Variants in VPS8 observed in about 807,000 individuals in gnomAD.
VPS8 encodes the protein VPS8 subunit of CORVET complex.
VPS8 carries 129 observed loss-of-function variants against 216.4 expected under a neutral mutation model. The observed-to-expected ratio is 0.60, with a 90% CI of 0.52 to 0.69. The LOEUF (loss-of-function observed/expected upper bound fraction) is 0.69, where lower values mean the gene tolerates loss of function less well. Ranked by LOEUF, VPS8 falls within the 30% of genes least tolerant of loss-of-function variation. The pLI, the probability that VPS8 is intolerant of heterozygous loss-of-function variation, is 0.00. For missense variants in VPS8, 1,531 were observed against 1,683.5 expected (o/e 0.91, Z 1.59); for synonymous variants, 571 against 565.4 (o/e 1.01, Z -0.14).
At chr3:184,871,312 A>C (rs566432632) in intron 21 of VPS8, among the ~76,000 whole-genome samples, 1 of 151,948 alleles carries the variant, frequency 6.6e-6, no homozygotes, top group East Asian at 1.9e-4. Flanking sequence ...GTAGACGTGT[A>C]TGTATTTATT....
intron 44 of VPS8, among the ~76,000 whole-genome samples, chr3:184,997,726 G>C (rs142177718): frequency 6.6e-6 from 1 of 152,130 alleles, no homozygotes; most frequent in Non-Finnish European, 1.5e-5. Context: ...AGTGTTTGGT[G>C]GGGGGTGCAG....
chr3:184,983,402 G>A (rs971886129), intron 42 of VPS8, among the ~76,000 whole-genome samples: 6 of 152,146 alleles, frequency 3.9e-5, no homozygotes, highest in Non-Finnish European at 7.3e-5. Context: ...CTGGGAGGGA[G>A]TTATCAGCTG....
At position 184,834,710 on chromosome 3, in the gene VPS8, A is replaced by C; in HGVS notation, c.415A>C (p.Lys139Gln). The C allele has an allele frequency of 1.3e-6, 2 of 1,564,536 alleles. No homozygotes were observed. The highest frequency in any genetic ancestry group is 1.7e-6 in the Non-Finnish European group (2 of 1,153,124). Residue 139 changes from lysine (K) to glutamine (Q), a missense_variant, in exon 5 of 48, where the codon AAG (lysine) becomes CAG (glutamine). Physicochemically the swap from Lys to Gln is moderately conservative, Grantham distance 53. This residue lies in a region of VPS8 where 199 missense variants were observed against 182.2 expected (regional missense o/e 1.09). Coordinates refer to ENST00000625842, the MANE Select transcript of VPS8 (RefSeq NM_001009921.3). ...HGSVMRHSLL[K>Q]GISAQIVSAA... Reference sequence around the variant, plus strand: ...ATCAGTTATGCGCCATTCACTTTTGAAGGGAATTTCTGCCCAGATAGTGTC... The same window carrying C: ...ATCAGTTATGCGCCATTCACTTTTGCAGGGAATTTCTGCCCAGATAGTGTC...
chr3:184,874,558 A>G (rs1404868888), intron 21 of VPS8, among the ~76,000 whole-genome samples: 1 of 152,240 alleles, frequency 6.6e-6, no homozygotes, highest in Non-Finnish European at 1.5e-5. Context: ...ACTTAGATTC[A>G]TTAGATTGAA....
At chr3:184,818,771 GA>G (rs756425231) in intron 1 of VPS8, among the ~76,000 whole-genome samples, 14 of 152,244 alleles carry the variant, frequency 9.2e-5, no homozygotes, top group African/African-American at 3.4e-4. Context: ...ATTGTAATGT[GA>G]AAAAGTATCT....
intron 46 of VPS8, among the ~76,000 whole-genome samples, chr3:185,026,989 G>A (rs1266174476): frequency 3.3e-5 from 5 of 151,872 alleles, no homozygotes; most frequent in South Asian, 2.1e-4. Flanking sequence ...GATTACAGGC[G>A]TGAGCCACCA....
intron 46 of VPS8, among the ~76,000 whole-genome samples, chr3:185,033,659 A>G (rs764849830): frequency 3.9e-5 from 6 of 152,256 alleles, no homozygotes; most frequent in Non-Finnish European, 7.3e-5. Flanking sequence ...TTGCTGGATT[A>G]TATGGTAAGA....
At chr3:184,912,523 T>C (rs986840379) in intron 25 of VPS8, among the ~76,000 whole-genome samples, 3 of 152,176 alleles carry the variant, frequency 2.0e-5, no homozygotes, top group African/African-American at 4.8e-5. Flanking sequence ...AGCTTAACTT[T>C]TCCTTTTGGC....
intron 8 of VPS8, among the ~76,000 whole-genome samples, chr3:184,844,462 G>A (rs533550146): frequency 2.6e-5 from 4 of 151,832 alleles, no homozygotes; most frequent in East Asian, 1.9e-4. Context: ...GAAAAGAATA[G>A]TATTAAAGAA....
At chr3:185,028,996 A>G (rs767634345) in intron 46 of VPS8, among the ~76,000 whole-genome samples, 2 of 152,216 alleles carry the variant, frequency 1.3e-5, no homozygotes, top group Non-Finnish European at 2.9e-5. Context: ...TAGAGGAAAA[A>G]TAAATGAAAC....
intron 25 of VPS8, among the ~76,000 whole-genome samples, chr3:184,913,021 TAC>T (rs1003086513): frequency 1.3e-5 from 2 of 152,236 alleles, no homozygotes; most frequent in Non-Finnish European, 2.9e-5. Context: ...GGCAGAATCT[TAC>T]ATTTTTTATG....
intron 42 of VPS8, among the ~76,000 whole-genome samples, chr3:184,989,078 C>T (rs1385928247): frequency 1.3e-5 from 2 of 152,142 alleles, no homozygotes; most frequent in Non-Finnish European, 2.9e-5. Flanking sequence ...TTTATTTCTT[C>T]CTTCCCAATC....
chr3:184,839,574 C>T, intron 6 of VPS8, 124 bp from the exon 7 acceptor site: 1 of 886,084 alleles, frequency 1.1e-6, no homozygotes, highest in Non-Finnish European at 1.7e-6. Flanking sequence ...TGAAATTCTT[C>T]TTATTTACAA....
At chr3:184,892,564 A>G (rs1044361851) in intron 22 of VPS8, among the ~76,000 whole-genome samples, 9 of 152,180 alleles carry the variant, frequency 5.9e-5, no homozygotes, top group Non-Finnish European at 8.8e-5. Flanking sequence ...ATGCACTAAT[A>G]AGTATTCTCC....
chr3:185,032,894 C>T (rs958004727), intron 46 of VPS8, among the ~76,000 whole-genome samples: 3 of 152,154 alleles, frequency 2.0e-5, no homozygotes, highest in African/African-American at 7.2e-5. Flanking sequence ...ATCTCAATCT[C>T]CTGACCTCGT....
intron 43 of VPS8, among the ~76,000 whole-genome samples, chr3:184,995,608 G>A (rs74482178): frequency 0.04 from 6,100 of 152,172 alleles, 215 homozygotes; most frequent in East Asian, 0.1. Context: ...CTTCCCCTTC[G>A]GGACTGAGAG....
intron 46 of VPS8, 21 bp from the exon 47 acceptor site, chr3:185,048,458 G>T: frequency 6.2e-7 from 1 of 1,613,292 alleles, no homozygotes; most frequent in Non-Finnish European, 8.5e-7. Context: ...GTTGTTAATC[G>T]TATCGGTTTT....
At chr3:184,930,291 T>A (rs1740451273) in intron 33 of VPS8, among the ~76,000 whole-genome samples, 179 bp from the exon 34 acceptor site, 1 of 152,072 alleles carries the variant, frequency 6.6e-6, no homozygotes, top group South Asian at 2.1e-4. Flanking sequence ...CTTCTAAGAG[T>A]CTACCCTAAA....
intron 22 of VPS8, among the ~76,000 whole-genome samples, chr3:184,889,205 C>A (rs996988410): frequency 6.6e-5 from 10 of 152,128 alleles, no homozygotes; most frequent in African/African-American, 2.4e-4. Context: ...AATTAGGATC[C>A]ATTTATTATT....
Sources: gnomAD v4.1 joint callset for allele counts (sites outside exome capture counted in the v4.1 genomes callset) on GRCh38, gnomAD v4.1.1 for gene constraint, gnomAD v4.1.1 regional missense constraint, MANE v1.5 for transcripts, NCBI Gene and HGNC (gene_info 2026-07-23, HGNC 2026-07-21) for gene names.